DYNC1I2: variants seen among roughly 807,000 people sequenced by gnomAD.
The protein encoded by DYNC1I2 is cytoplasmic dynein 1 intermediate chain 2.
DYNC1I2 carries 53 observed loss-of-function variants against 88.6 expected under a neutral mutation model. That is an observed-to-expected ratio of 0.60 (90% CI 0.48 to 0.75). The LOEUF (loss-of-function observed/expected upper bound fraction) is 0.75, where lower values mean the gene tolerates loss of function less well. DYNC1I2 is among the 30% of genes least tolerant of loss of function. The pLI is 0.00. For synonymous variants in DYNC1I2, 198 were observed against 254.6 expected, an observed-to-expected ratio of 0.78 and a Z score of 2.12; for missense variants, 458 against 766.6, an observed-to-expected ratio of 0.60 and a Z score of 4.75.
intron 5 of DYNC1I2, among the ~76,000 whole-genome samples, chr2:171,710,154 C>A (rs990038930): frequency 7.4e-5 from 11 of 149,330 alleles, no homozygotes; most frequent in Non-Finnish European, 1.3e-4. Flanking sequence ...CACACACACA[C>A]ACACACACAC....
chr2:171,710,837 G>T (rs1399831632), intron 5 of DYNC1I2, among the ~76,000 whole-genome samples: 2 of 151,238 alleles, frequency 1.3e-5, no homozygotes, highest in African/African-American at 4.9e-5. Context: ...CCAGTAGCTG[G>T]GATTGCAGGT....
chr2:171,733,958 T>A (rs1376179139), intron 15 of DYNC1I2, among the ~76,000 whole-genome samples: 1 of 152,134 alleles, frequency 6.6e-6, no homozygotes, highest in Admixed American at 6.6e-5. Context: ...TAATCCATCT[T>A]GAGTTAATTT....
At chr2:171,720,704 C>T (rs1312369594) in intron 7 of DYNC1I2, among the ~76,000 whole-genome samples, 1 of 152,074 alleles carries the variant, frequency 6.6e-6, no homozygotes, top group African/African-American at 2.4e-5. Context: ...GCACTCAAGC[C>T]AGGGCGACAG....
At chr2:171,706,219 G>A (rs943431444) in intron 3 of DYNC1I2, among the ~76,000 whole-genome samples, 2 of 152,050 alleles carry the variant, frequency 1.3e-5, no homozygotes, top group African/African-American at 4.8e-5. Context: ...AGGGCTTTCA[G>A]CTCAACATAA....
intron 5 of DYNC1I2, among the ~76,000 whole-genome samples, chr2:171,711,586 T>G (rs1371324804): frequency 6.6e-6 from 1 of 152,240 alleles, no homozygotes. Flanking sequence ...AGCCTAAGCT[T>G]GTTGCTATTC....
chr2:171,688,630 T>TA (rs1301714807), intron 1 of DYNC1I2: 1 of 152,200 alleles, frequency 6.6e-6, no homozygotes, highest in African/African-American at 2.4e-5. Flanking sequence ...TCTTGGAAGA[T>TA]ATTGTGTATA....
At chr2:171,698,725 C>G (rs376429134) in intron 3 of DYNC1I2, among the ~76,000 whole-genome samples, 5 of 151,622 alleles carry the variant, frequency 3.3e-5, no homozygotes, top group Admixed American at 3.3e-4. Flanking sequence ...AAAAATTAGC[C>G]GAGTGTGGTG....
chr2:171,714,713 GA>G (rs1465726902), intron 6 of DYNC1I2, among the ~76,000 whole-genome samples: 3 of 152,172 alleles, frequency 2.0e-5, no homozygotes, highest in Non-Finnish European at 4.4e-5. Flanking sequence ...TCTAAGTGTA[GA>G]ATATCTGGAC....
At chr2:171,710,122 TACACAC>T (rs55862813) in intron 5 of DYNC1I2, among the ~76,000 whole-genome samples, 7,115 of 144,412 alleles carry the variant, frequency 0.049, 191 homozygotes, top group Non-Finnish European at 0.055. Flanking sequence ...TATGTATATA[TACACAC>T]ACACACACAC....
intron 7 of DYNC1I2, among the ~76,000 whole-genome samples, chr2:171,716,374 A>G (rs1256109455): frequency 6.6e-6 from 1 of 152,168 alleles, no homozygotes; most frequent in African/African-American, 2.4e-5. Flanking sequence ...CCACCAAATG[A>G]GTTATGGATT....
At chr2:171,725,848 C>A in intron 8 of DYNC1I2, 71 bp from the exon 9 acceptor site, 1 of 1,373,138 alleles carries the variant, frequency 7.3e-7, no homozygotes, top group Non-Finnish European at 1.0e-6. Context: ...TACATTGATC[C>A]ATACTGTGAT....
At chr2:171,709,799 C>G (rs1214418302) in intron 5 of DYNC1I2, among the ~76,000 whole-genome samples, 3 of 152,084 alleles carry the variant, frequency 2.0e-5, no homozygotes, top group African/African-American at 7.2e-5. Context: ...CTCACTGCAA[C>G]CTCCACCTCC....
chr2:171,736,656 A>ATCTCC (rs1689029670), intron 15 of DYNC1I2, among the ~76,000 whole-genome samples: 1 of 152,226 alleles, frequency 6.6e-6, no homozygotes, highest in African/African-American at 2.4e-5. Context: ...CGATGCTTGA[A>ATCTCC]TGGGTACTGT....
chr2:171,717,021 A>C (rs1385694472), intron 7 of DYNC1I2, among the ~76,000 whole-genome samples: 2 of 152,190 alleles, frequency 1.3e-5, no homozygotes, highest in Non-Finnish European at 2.9e-5. Flanking sequence ...ATGGAAATGA[A>C]ATAAATACAT....
intron 7 of DYNC1I2, among the ~76,000 whole-genome samples, chr2:171,718,989 A>G (rs1687722710): frequency 6.6e-6 from 1 of 152,216 alleles, no homozygotes; most frequent in Non-Finnish European, 1.5e-5. Context: ...TTGCCACTGA[A>G]GTAGCAACTC....
chr2:171,694,032 T>G (rs1685575967), intron 3 of DYNC1I2, among the ~76,000 whole-genome samples: 1 of 151,916 alleles, frequency 6.6e-6, no homozygotes, highest in African/African-American at 2.4e-5. Context: ...CTTGTTCATA[T>G]TTCTTTCTTC....
Position 171,726,009 on chromosome 2 carries a change from T to C in DYNC1I2, c.698T>C (p.Val233Ala). The C allele has an allele frequency of 6.3e-7, 1 of 1,595,944 alleles. No individual in the cohort carries two copies. Among genetic ancestry groups the C allele is most frequent in the Non-Finnish European group, 8.5e-7 (1 of 1,174,986 alleles). ...TTCTTTGACCATTCTACAAGAATTG[T>C]AGAAAGAGCTCTTTCTGAGCAGATT... ...LSFFDHSTRIVERALSEQINI... is the reference protein window; with the variant it reads ...LSFFDHSTRIAERALSEQINI... Residue 233 changes from valine to alanine, a missense_variant, in exon 9 of 18, where the codon GTA (valine) becomes GCA (alanine). This residue lies in a region of DYNC1I2 where 203 missense variants were observed against 354.2 expected (regional missense o/e 0.57). Coordinates refer to ENST00000397119, the MANE Select transcript of DYNC1I2 (RefSeq NM_001378.3).
At chr2:171,701,948 A>T (rs533412436) in intron 3 of DYNC1I2, among the ~76,000 whole-genome samples, 1 of 152,358 alleles carries the variant, frequency 6.6e-6, no homozygotes, top group South Asian at 2.1e-4. Flanking sequence ...TTAAGAGTGG[A>T]GACTCAATTC....
At chr2:171,704,119 A>C (rs900235330) in intron 3 of DYNC1I2, among the ~76,000 whole-genome samples, 2 of 152,180 alleles carry the variant, frequency 1.3e-5, no homozygotes, top group Non-Finnish European at 2.9e-5. Flanking sequence ...TGCTAATTCT[A>C]AATCTAGGTG....
Sources: gnomAD v4.1 joint callset for allele counts (sites outside exome capture counted in the v4.1 genomes callset) on GRCh38, gnomAD v4.1.1 for gene constraint, gnomAD v4.1.1 regional missense constraint, MANE v1.5 for transcripts, NCBI Gene and HGNC (gene_info 2026-07-23, HGNC 2026-07-21) for gene names.